The following NRXN1 variants were observed in gnomAD, a reference collection of about 807,000 sequenced individuals.
NRXN1 encodes neurexin 1, also known as neurexin-1.
In NRXN1, 39 loss-of-function variants were observed where a neutral mutation model predicts 150.9. That is an observed-to-expected ratio of 0.26 (90% CI 0.20 to 0.34). The LOEUF is 0.34. NRXN1 is among the 10% of genes least tolerant of loss of function. The pLI is 1.00. For missense variants in NRXN1, 1,815 were observed against 1,949.9 expected, an observed-to-expected ratio of 0.93 and a Z score of 1.30; for synonymous variants, 924 against 757.0, an observed-to-expected ratio of 1.22 and a Z score of -3.62.
intron 5 of NRXN1, among the ~76,000 whole-genome samples, chr2:50,657,406 A>C (rs953508228): frequency 1.3e-5 from 2 of 152,020 alleles, no homozygotes; most frequent in Non-Finnish European, 2.9e-5. Flanking sequence ...TTAACTACTG[A>C]GTATACCATA....
intron 5 of NRXN1, among the ~76,000 whole-genome samples, chr2:50,815,769 A>T (rs985927491): frequency 2.0e-5 from 3 of 152,302 alleles, no homozygotes; most frequent in South Asian, 4.1e-4. Flanking sequence ...ATAGAAAAGC[A>T]TTATTTTCAC....
At chr2:50,756,584 G>A (rs1017198926) in intron 5 of NRXN1, among the ~76,000 whole-genome samples, 2 of 151,688 alleles carry the variant, frequency 1.3e-5, no homozygotes, top group Admixed American at 6.6e-5. Context: ...TTGCATAAAC[G>A]TGTGCATTGC....
chr2:50,000,454 C>T (rs1349313758), intron 21 of NRXN1, among the ~76,000 whole-genome samples: 2 of 152,124 alleles, frequency 1.3e-5, no homozygotes, highest in Non-Finnish European at 2.9e-5. Context: ...CTAATTTCAT[C>T]CAGCACACAA....
At chr2:50,559,210 A>G (rs1668697299) in intron 8 of NRXN1, among the ~76,000 whole-genome samples, 2 of 152,330 alleles carry the variant, frequency 1.3e-5, no homozygotes, top group South Asian at 4.1e-4. Context: ...GCACTGTGTC[A>G]AAATACAACC....
intron 5 of NRXN1, among the ~76,000 whole-genome samples, chr2:50,731,395 A>C (rs574391713): frequency 6.6e-6 from 1 of 152,344 alleles, no homozygotes; most frequent in South Asian, 2.1e-4. Context: ...TTTTAAATGC[A>C]CTTATATTCA....
chr2:50,537,525 G>A (rs2093290243), intron 10 of NRXN1, among the ~76,000 whole-genome samples: 1 of 151,920 alleles, frequency 6.6e-6, no homozygotes, highest in Non-Finnish European at 1.5e-5. Context: ...ATTGTATAGG[G>A]TGAAAAAAAA....
At position 50,683,631 on chromosome 2, in the gene NRXN1, C is replaced by CAAAAAA. The variant is rs745831100; in HGVS notation, c.833-60022_833-60017dup. On this transcript the variant is annotated intron_variant, in intron 5 of 22. Coordinates refer to ENST00000401669, the MANE Select transcript of NRXN1 (RefSeq NM_001330078.2). Reference sequence around the variant, plus strand: ...TGGGTGACAGAGCAAGACTCCGTCTCAAAAAAAAAAAAAAAATATATATAT... The same window carrying CAAAAAA: ...TGGGTGACAGAGCAAGACTCCGTCTCAAAAAAAAAAAAAAAAAAAAAATATATATAT... 3.4e-3 allele frequency among the ~76,000 whole-genome samples: 29 copies of CAAAAAA among 8,500 alleles called. 2 individuals carry two copies. The highest frequency in any genetic ancestry group is 0.015 in the African/African-American group (14 of 926). The allele number at this position is 8,500 out of a possible 152,430, so 5.6% of individuals were successfully genotyped here.
chr2:50,394,515 T>C (rs2081940680), intron 17 of NRXN1, among the ~76,000 whole-genome samples: 1 of 152,060 alleles, frequency 6.6e-6, no homozygotes, highest in Non-Finnish European at 1.5e-5. Context: ...GCAAGTGCAG[T>C]CTGCTCTGTC....
intron 17 of NRXN1, among the ~76,000 whole-genome samples, chr2:50,396,269 C>T (rs928395841): frequency 6.6e-6 from 1 of 152,150 alleles, no homozygotes; most frequent in South Asian, 2.1e-4. Context: ...CTCTAAATAA[C>T]AAATTCCTGT....
At chr2:50,354,260 A>G (rs1261992600) in intron 17 of NRXN1, among the ~76,000 whole-genome samples, 2 of 151,716 alleles carry the variant, frequency 1.3e-5, no homozygotes, top group Non-Finnish European at 2.9e-5. Context: ...AAAATATTCT[A>G]TTTTCCTTCT....
intron 5 of NRXN1, among the ~76,000 whole-genome samples, chr2:50,696,498 G>T (rs1692886597): frequency 6.6e-6 from 1 of 152,156 alleles, no homozygotes; most frequent in Non-Finnish European, 1.5e-5. Flanking sequence ...GTCGTGATAA[G>T]GTAGAAGAAA....
chr2:50,391,615 T>C (rs754236051), intron 17 of NRXN1, among the ~76,000 whole-genome samples: 4 of 152,138 alleles, frequency 2.6e-5, no homozygotes, highest in Non-Finnish European at 4.4e-5. Context: ...AATGCAGCTT[T>C]ATGGCAAGGA....
intron 20 of NRXN1, among the ~76,000 whole-genome samples, 160 bp from the exon 21 acceptor site, chr2:50,053,750 G>T (rs1693156574): frequency 6.6e-6 from 1 of 152,164 alleles, no homozygotes; most frequent in Non-Finnish European, 1.5e-5. Context: ...AGGTGTCCAT[G>T]AAATGCATAA....
intron 8 of NRXN1, among the ~76,000 whole-genome samples, chr2:50,600,496 T>G (rs1220445167): frequency 6.6e-6 from 1 of 152,084 alleles, no homozygotes; most frequent in Non-Finnish European, 1.5e-5. Context: ...GGCTAATTTT[T>G]GTGTTTTTAA....
chr2:50,001,621 A>T (rs1262698237), intron 21 of NRXN1, among the ~76,000 whole-genome samples: 1 of 152,150 alleles, frequency 6.6e-6, no homozygotes, highest in Non-Finnish European at 1.5e-5. Context: ...CTCATATGTA[A>T]AATGAGAATA....
intron 17 of NRXN1, among the ~76,000 whole-genome samples, chr2:50,288,249 T>C (rs1468561032): frequency 6.6e-6 from 1 of 152,080 alleles, no homozygotes; most frequent in African/African-American, 2.4e-5. Flanking sequence ...CCAGGGACAT[T>C]TGACGATGTT....
At position 51,027,554 on chromosome 2, in the gene NRXN1, C is replaced by T. The variant is rs200992639; in HGVS notation, c.720G>A (p.Gln240=). 4.4e-6 allele frequency: 7 copies of T among 1,593,694 alleles called. No individual in the cohort carries two copies. The highest frequency in any genetic ancestry group is 1.3e-5 in the African/African-American group (1 of 74,494). ...CGGTTCGCGAGCAGTCGCACACGGC[C>T]TGGTCGTCCACCACGGAGCACACAC... ...NGGVCSVVDD[Q]AVCDCSRTGF... is the part of the protein sequence containing the mutation. Residue 240 remains glutamine (Q), a synonymous_variant, in exon 2 of 23, where the codon CAG becomes CAA. Coordinates refer to ENST00000401669, the MANE Select transcript of NRXN1 (RefSeq NM_001330078.2).
intron 5 of NRXN1, among the ~76,000 whole-genome samples, chr2:50,815,687 T>C (rs1339510862): frequency 3.3e-5 from 5 of 152,300 alleles, no homozygotes; most frequent in South Asian, 2.1e-4. Context: ...TTTGTGTGTA[T>C]GTATATGTGT....
chr2:49,991,407 AG>A (rs1681928570), intron 21 of NRXN1, among the ~76,000 whole-genome samples: 2 of 152,198 alleles, frequency 1.3e-5, no homozygotes, highest in South Asian at 4.1e-4. Flanking sequence ...AATATATAAA[AG>A]TTAATCTCTT....
Sources: allele counts gnomAD v4.1 joint callset (sites outside exome capture counted in the v4.1 genomes callset), GRCh38; gene constraint gnomAD v4.1.1; transcripts MANE v1.5; gene names NCBI Gene and HGNC (gene_info 2026-07-23, HGNC 2026-07-21).